CENPP: variants seen among roughly 807,000 people sequenced by gnomAD.
CENPP encodes the protein centromere protein P.
A neutral mutation model predicts 35.6 loss-of-function variants in CENPP; 24 were observed. The ratio of observed to expected loss-of-function variants is 0.67; its 90% CI spans 0.49 to 0.95. The LOEUF (loss-of-function observed/expected upper bound fraction) is 0.95, where lower values mean the gene tolerates loss of function less well. CENPP is among the 40% of genes least tolerant of loss of function. CENPP has a pLI of 0.00. For missense variants in CENPP, 332 were observed against 345.3 expected (o/e 0.96, Z 0.31); for synonymous variants, 120 against 125.5 (o/e 0.96, Z 0.29).
rs562509199 is a variant in CENPP at position 92,404,929 on chromosome 9, A to G, written c.564+25070A>G. On this transcript the variant is annotated intron_variant, in intron 5 of 7. Coordinates refer to ENST00000375587, the MANE Select transcript of CENPP (RefSeq NM_001012267.3). ...CTTTTTGAATGAAATAGGACACCAA[A>G]TGACAACATAGTCCATGTTGTTAAT... Among the ~76,000 whole-genome samples, 3 of 152,276 alleles carry G rather than the reference A, an allele frequency of 2.0e-5. 1 individual carries two copies. The South Asian group carries it at 6.2e-4, about 32-fold the overall frequency.
chr9:92,549,325 A>G lies in CENPP; in HGVS notation c.565-61989A>G, dbSNP rs141433631. 3.9e-5 allele frequency among the ~76,000 whole-genome samples: 6 copies of G among 152,314 alleles called. No homozygotes were observed. In the East Asian group the frequency reaches 1.2e-3, roughly 29 times the overall value. On this transcript the variant is annotated intron_variant, in intron 5 of 7. Coordinates refer to ENST00000375587, the MANE Select transcript of CENPP (RefSeq NM_001012267.3). ...CAGCTGAGCTACTTGATGAGGTTCCAGGGGCACAGGACAAGAATGATTTGA... is the reference window on the plus strand; with the variant it reads ...CAGCTGAGCTACTTGATGAGGTTCCGGGGGCACAGGACAAGAATGATTTGA...
chr9:92,517,937 A>C (rs962666211), intron 5 of CENPP: 4 of 1,586,510 alleles, frequency 2.5e-6, no homozygotes, highest in Non-Finnish European at 3.4e-6. Context: ...CTGTGAATGG[A>C]AGTAAACACA....
At chr9:92,482,335 C>T (rs899273708) in intron 5 of CENPP, 6 of 152,150 alleles carry the variant, frequency 3.9e-5, no homozygotes, top group Non-Finnish European at 8.8e-5. Context: ...AAGTTATCCA[C>T]CATGTACTAC....
At position 92,332,238 on chromosome 9, in the gene CENPP, A is replaced by G; in HGVS notation, c.176A>G (p.Gln59Arg). 6.2e-7 allele frequency: 1 copy of G among 1,613,166 alleles called. No homozygotes were observed. Among genetic ancestry groups the G allele is most frequent in the Non-Finnish European group, 8.5e-7 (1 of 1,179,542 alleles). ...GWKSSKDLKNQLGHLESELSF... is the reference protein window; with the variant it reads ...GWKSSKDLKNRLGHLESELSF... ...AAGTCTTCAAAAGATCTGAAAAATC[A>G]GCTTGGACATTTAGAATCAGAACTT... is the stretch of plus-strand genomic sequence containing the variant. Residue 59 changes from glutamine (Q) to arginine (R), a missense_variant, in exon 2 of 8, where the codon CAG becomes CGG. Physicochemically the swap from Gln to Arg is conservative, Grantham distance 43. Transcript: ENST00000375587.
intron 5 of CENPP, chr9:92,415,622 T>G (rs931858636): frequency 2.8e-5 from 11 of 386,714 alleles, no homozygotes; most frequent in Admixed American, 9.0e-5. Context: ...CCTTTTTATA[T>G]TAATCAAATA....
At chr9:92,607,891 C>T (rs145616312) in intron 5 of CENPP, among the ~76,000 whole-genome samples, 15 of 152,348 alleles carry the variant, frequency 9.8e-5, no homozygotes, top group African/African-American at 3.6e-4. Context: ...AACATTCTTA[C>T]AGCCATCTTT....
At chr9:92,605,686 G>C (rs761326553) in intron 5 of CENPP, among the ~76,000 whole-genome samples, 5 of 152,104 alleles carry the variant, frequency 3.3e-5, no homozygotes, top group Non-Finnish European at 5.9e-5. Context: ...AGCTAAAACT[G>C]TAAAACTCTT....
intron 5 of CENPP, among the ~76,000 whole-genome samples, chr9:92,534,130 A>G (rs1212984775): frequency 6.6e-6 from 1 of 151,798 alleles, no homozygotes; most frequent in Non-Finnish European, 1.5e-5. Context: ...CTTTAAATTC[A>G]TTTCTGTCTT....
intron 5 of CENPP, among the ~76,000 whole-genome samples, chr9:92,484,368 T>C (rs1174393254): frequency 6.6e-6 from 1 of 152,222 alleles, no homozygotes; most frequent in Non-Finnish European, 1.5e-5. Flanking sequence ...ATACTGTGCA[T>C]TCTCTTTTGC....
At chr9:92,457,602 A>T in intron 5 of CENPP, 1 of 747,494 alleles carries the variant, frequency 1.3e-6, no homozygotes, top group Non-Finnish European at 2.2e-6. Context: ...CATTGGCTTG[A>T]ATGTATTTTC....
At chr9:92,417,245 G>T in intron 5 of CENPP, 1 of 1,614,016 alleles carries the variant, frequency 6.2e-7, no homozygotes, top group African/African-American at 1.3e-5. Context: ...TGCAGTCACA[G>T]CCTCAATTTC....
intron 6 of CENPP, among the ~76,000 whole-genome samples, chr9:92,612,232 G>A (rs994255367): frequency 6.6e-6 from 1 of 152,036 alleles, no homozygotes; most frequent in African/African-American, 2.4e-5. Context: ...AAAGTGGCTT[G>A]TCCATGTCTG....
At chr9:92,406,665 G>A (rs982977403) in intron 5 of CENPP, among the ~76,000 whole-genome samples, 1 of 152,190 alleles carries the variant, frequency 6.6e-6, no homozygotes, top group Non-Finnish European at 1.5e-5. Flanking sequence ...CAGGGGTTGA[G>A]TAGGGAATGA....
At chr9:92,592,720 T>C (rs1267510058) in intron 5 of CENPP, among the ~76,000 whole-genome samples, 1 of 152,202 alleles carries the variant, frequency 6.6e-6, no homozygotes, top group Non-Finnish European at 1.5e-5. Flanking sequence ...CAGTTCACAC[T>C]CTCACCAGCA....
In CENPP at chr9:92,413,691, T is replaced by C. The variant is rs559829872; in HGVS notation, c.564+33832T>C. Among the ~76,000 whole-genome samples, 60 of 152,310 alleles carry C rather than the reference T, an allele frequency of 3.9e-4. No individual in the cohort carries two copies. The South Asian group carries it at 0.012, about 30-fold the overall frequency. ...ATTGTGGCATCATAGTTGCACATTG[T>C]ACTTTGTTTATTGATCCCTTATTGC... On this transcript the variant is annotated intron_variant, in intron 5 of 7. Transcript: ENST00000375587.
intron 5 of CENPP, chr9:92,404,517 T>C (rs1435279274): frequency 7.7e-7 from 1 of 1,296,354 alleles, no homozygotes; most frequent in Admixed American, 2.4e-5. Flanking sequence ...TTTTGAAGTT[T>C]TTTGTGGTTT....
intron 5 of CENPP, chr9:92,500,762 T>G (rs770032853): frequency 6.2e-7 from 1 of 1,613,574 alleles, no homozygotes; most frequent in Non-Finnish European, 8.5e-7. Flanking sequence ...GAAAATGTAG[T>G]GCTTTCATTT....
intron 6 of CENPP, among the ~76,000 whole-genome samples, chr9:92,611,874 C>T (rs547839453): frequency 4.3e-4 from 65 of 152,326 alleles, no homozygotes; most frequent in African/African-American, 1.5e-3. Context: ...ATGTATCCAT[C>T]TGGGTGTGCT....
At chr9:92,580,757 C>G (rs1322288841) in intron 5 of CENPP, among the ~76,000 whole-genome samples, 1 of 152,284 alleles carries the variant, frequency 6.6e-6, no homozygotes. Flanking sequence ...AAACCAGCTC[C>G]TGGATTCGTT....
Sources: allele counts gnomAD v4.1 joint callset (sites outside exome capture counted in the v4.1 genomes callset), GRCh38; gene constraint gnomAD v4.1.1; transcripts MANE v1.5; gene names NCBI Gene and HGNC (gene_info 2026-07-23, HGNC 2026-07-21).